RAB8B: variants seen among roughly 807,000 people sequenced by gnomAD.
The protein encoded by RAB8B is ras-related protein Rab-8B.
In RAB8B, 11 loss-of-function variants were observed where a neutral mutation model predicts 32.0. The ratio of observed to expected loss-of-function variants is 0.34; its 90% CI spans 0.22 to 0.57. The LOEUF is 0.57. RAB8B is among the 20% of genes least tolerant of loss of function. The pLI is 0.86. For synonymous variants in RAB8B, 103 were observed against 89.6 expected (o/e 1.15, Z -0.85); for missense variants, 190 against 258.5 (o/e 0.73, Z 1.82).
intron 1 of RAB8B, chr15:63,223,109 A>G: frequency 2.3e-6 from 1 of 443,026 alleles, no homozygotes; most frequent in South Asian, 1.6e-5. Context: ...TTTTTATTTT[A>G]CTTATTTTTT....
chr15:63,201,631 C>T (rs1234492177), intron 1 of RAB8B, among the ~76,000 whole-genome samples: 1 of 152,186 alleles, frequency 6.6e-6, no homozygotes, highest in African/African-American at 2.4e-5. Context: ...GAAACAACAT[C>T]ATTTGCCCAT....
chr15:63,227,505 T>A (rs1202752332), intron 1 of RAB8B, among the ~76,000 whole-genome samples: 2 of 152,248 alleles, frequency 1.3e-5, no homozygotes, highest in African/African-American at 2.4e-5. Context: ...GTAAATGAAG[T>A]TAACATTGTA....
intron 1 of RAB8B, among the ~76,000 whole-genome samples, chr15:63,215,630 G>C (rs2037785706): frequency 6.6e-6 from 1 of 152,112 alleles, no homozygotes; most frequent in Non-Finnish European, 1.5e-5. Context: ...GTCAGTTTTA[G>C]AATTGTCAAC....
At chr15:63,249,593 A>G in intron 2 of RAB8B, 52 bp from the exon 3 acceptor site, 1 of 1,539,590 alleles carries the variant, frequency 6.5e-7, no homozygotes, top group Non-Finnish European at 9.0e-7. Flanking sequence ...GTTTCTCCTC[A>G]GTGATGCTGG....
chr15:63,201,963 T>G (rs1342595814), intron 1 of RAB8B, among the ~76,000 whole-genome samples: 1 of 151,568 alleles, frequency 6.6e-6, no homozygotes, highest in Non-Finnish European at 1.5e-5. Flanking sequence ...TGGTCTATAA[T>G]AACTATTGGC....
intron 3 of RAB8B, among the ~76,000 whole-genome samples, chr15:63,253,040 GC>G (rs2152581851): frequency 1.3e-5 from 2 of 152,306 alleles, no homozygotes; most frequent in East Asian, 3.9e-4. Flanking sequence ...GAGCCACCAT[GC>G]CCGGGCTGAC....
At chr15:63,200,155 A>G (rs1848683469) in intron 1 of RAB8B, among the ~76,000 whole-genome samples, 1 of 152,180 alleles carries the variant, frequency 6.6e-6, no homozygotes, top group African/African-American at 2.4e-5. Context: ...GTGAAATCAA[A>G]CAGTGTCTAT....
intron 1 of RAB8B, among the ~76,000 whole-genome samples, chr15:63,216,837 G>C (rs1042659009): frequency 3.4e-5 from 5 of 149,014 alleles, no homozygotes; most frequent in South Asian, 2.1e-4. Context: ...TCCAGCCTGG[G>C]TGACAGAGTG....
chr15:63,189,688 A>T lies in RAB8B; in HGVS notation c.64A>T (p.Thr22Ser). ...GATCGGCGACTCGGGGGTAGGCAAGACCTGCCTCCTGTTCCGCTTCTCAGA... is the reference window on the plus strand; with the variant it reads ...GATCGGCGACTCGGGGGTAGGCAAGTCCTGCCTCCTGTTCCGCTTCTCAGA... ...LLIGDSGVGKTCLLFRFSEDA... is the reference protein window; with the variant it reads ...LLIGDSGVGKSCLLFRFSEDA... Residue 22 changes from threonine to serine, a missense_variant, in exon 1 of 8, where the codon ACC becomes TCC. Transcript: ENST00000321437. 6.2e-6 allele frequency: 10 copies of T among 1,612,676 alleles called. No individual in the cohort carries two copies. The highest frequency in any genetic ancestry group is 7.6e-6 in the Non-Finnish European group (9 of 1,179,372).
chr15:63,203,899 G>A (rs2037674058), intron 1 of RAB8B, among the ~76,000 whole-genome samples: 1 of 152,068 alleles, frequency 6.6e-6, no homozygotes, highest in South Asian at 2.1e-4. Context: ...GTGGTATGGT[G>A]CAGGGTGAAC....
At chr15:63,219,351 T>C (rs1311381526) in intron 1 of RAB8B, among the ~76,000 whole-genome samples, 2 of 151,570 alleles carry the variant, frequency 1.3e-5, no homozygotes, top group Non-Finnish European at 2.9e-5. Flanking sequence ...GAATGTGACC[T>C]TTACTTGACT....
At chr15:63,247,477 C>T (rs2038080916) in intron 2 of RAB8B, among the ~76,000 whole-genome samples, 1 of 152,150 alleles carries the variant, frequency 6.6e-6, no homozygotes, top group African/African-American at 2.4e-5. Context: ...ATATTTTTGA[C>T]TTGAACTCAG....
At chr15:63,216,668 T>C (rs2037795061) in intron 1 of RAB8B, among the ~76,000 whole-genome samples, 2 of 151,990 alleles carry the variant, frequency 1.3e-5, no homozygotes, top group South Asian at 4.2e-4. Flanking sequence ...GAGACCAGCC[T>C]GGCCAATATG....
intron 3 of RAB8B, among the ~76,000 whole-genome samples, chr15:63,254,709 G>A (rs939372211): frequency 2.0e-5 from 3 of 152,086 alleles, no homozygotes; most frequent in East Asian, 1.9e-4. Context: ...TCAGGAGATC[G>A]AAACCATCCT....
In RAB8B at chr15:63,267,030, G is replaced by C. The variant is rs1451547037; in HGVS notation, c.*3411G>C. ...GAATTTTTTTTTTTTAAACAGAAGA[G>C]ACATTCCTTTTTCCTTGTTACATCC... On this transcript the variant is annotated 3_prime_UTR_variant, in exon 8 of 8. Coordinates refer to ENST00000321437, the MANE Select transcript of RAB8B (RefSeq NM_016530.3). 6.6e-6 allele frequency: 1 copy of C among 152,128 alleles called. No individual in the cohort carries two copies. The highest frequency in any genetic ancestry group is 1.5e-5 in the Non-Finnish European group (1 of 67,946). The allele number at this position is 152,128 out of a possible 1,614,324, so 9.4% of individuals were successfully genotyped here.
In RAB8B at chr15:63,244,784, A is replaced by G; in HGVS notation, c.153A>G (p.Glu51=). 1.3e-6 allele frequency: 2 copies of G among 1,583,392 alleles called. No individual in the cohort carries two copies. The highest frequency in any genetic ancestry group is 1.7e-6 in the Non-Finnish European group (2 of 1,154,972). ...IGIDFKIRTI[E]LDGKKIKLQI... ...TTGATTTTAAAATTAGAACGATAGA[A>G]CTAGATGGAAAGAAAATTAAGCTTC... is the stretch of plus-strand genomic sequence containing the variant. Residue 51 remains glutamate, a synonymous_variant, in exon 2 of 8, where the codon GAA becomes GAG. Transcript: ENST00000321437.
chr15:63,216,037 A>G (rs2037788527), intron 1 of RAB8B, among the ~76,000 whole-genome samples: 1 of 151,846 alleles, frequency 6.6e-6, no homozygotes, highest in African/African-American at 2.4e-5. Context: ...GACCGTCTCA[A>G]AAAAAAGAAA....
intron 1 of RAB8B, among the ~76,000 whole-genome samples, chr15:63,233,874 A>T (rs1162132938): frequency 6.6e-6 from 1 of 152,200 alleles, no homozygotes; most frequent in Non-Finnish European, 1.5e-5. Flanking sequence ...CAAAGGGGAT[A>T]GATAACCTTT....
chr15:63,216,915 A>T (rs146861383), intron 1 of RAB8B, among the ~76,000 whole-genome samples: 3 of 151,968 alleles, frequency 2.0e-5, no homozygotes, highest in Admixed American at 6.6e-5. Context: ...TTTTAGTCAT[A>T]AAGTGGTATC....
Sources: allele counts gnomAD v4.1 joint callset (sites outside exome capture counted in the v4.1 genomes callset), GRCh38; gene constraint gnomAD v4.1.1; transcripts MANE v1.5; gene names NCBI Gene and HGNC (gene_info 2026-07-23, HGNC 2026-07-21).